Variants in TRPV3 observed in about 807,000 individuals in gnomAD.
The protein encoded by TRPV3 is VRL-3.
In TRPV3, 88 loss-of-function variants were observed where a neutral mutation model predicts 87.1. The observed-to-expected ratio is 1.01, with a 90% CI of 0.85 to 1.21. The LOEUF (loss-of-function observed/expected upper bound fraction) is 1.21, where lower values mean the gene tolerates loss of function less well. TRPV3 is among the 50% of genes most tolerant of loss of function. The pLI, the probability that TRPV3 is intolerant of heterozygous loss-of-function variation, is 0.00. For missense variants in TRPV3, 1,054 were observed against 1,030.1 expected (o/e 1.02, Z -0.32); for synonymous variants, 438 against 423.3 (o/e 1.03, Z -0.43).
chr17:3,545,317 CCTGT>C (rs777433385), intron 2 of TRPV3, 46 bp from the exon 3 acceptor site: 1 of 1,410,358 alleles, frequency 7.1e-7, no homozygotes, highest in South Asian at 1.2e-5. Flanking sequence ...CCAGGCAGAG[CCTGT>C]CTGCCTGTGT....
At position 3,511,839 on chromosome 17, in the gene TRPV3, T is replaced by G. The variant is rs1250849810; in HGVS notation, c.*2078A>C. The G allele has an allele frequency of 1.3e-5, 2 of 152,228 alleles. No homozygotes were observed. The highest frequency in any genetic ancestry group is 6.5e-5 in the Admixed American group (1 of 15,288). 9.4% of individuals were successfully genotyped at this position (152,228 alleles called of 1,614,324 possible). A position where few individuals can be genotyped will look rare whatever the true frequency, so the allele number is the denominator to read the frequency against. On this transcript the variant is annotated 3_prime_UTR_variant, in exon 18 of 18. Transcript: ENST00000576742. The stretch of plus-strand genomic sequence containing the variant: ...TAACAGATACGGCTTTATCCATTAA[T>G]GGATATGACTTTCTCCATTAATATC...
chr17:3,554,961 A>G lies in TRPV3; in HGVS notation c.-2-109T>C, dbSNP rs533040891. On this transcript the variant is annotated intron_variant, in intron 1 of 17. Coordinates refer to ENST00000576742, the MANE Select transcript of TRPV3 (RefSeq NM_145068.4). ...CCAGCTCCCGTTCACACTACCTGGA[A>G]CTGGAAGCTCACTCCTCCCTTCCCA... The G allele has an allele frequency of 1.5e-3, 997 of 643,336 alleles. 6 individuals are homozygous for G. The highest frequency in any genetic ancestry group is 3.2e-3 in the Middle Eastern group (11 of 3,398). The allele number at this position is 643,336 out of a possible 1,614,324, so 39.9% of individuals were successfully genotyped here. A position where few individuals can be genotyped will look rare whatever the true frequency, so the allele number is the denominator to read the frequency against.
chr17:3,516,557 T>C lies in TRPV3; in HGVS notation c.2098A>G (p.Ile700Val), dbSNP rs1003976845. 5.6e-6 allele frequency: 9 copies of C among 1,614,018 alleles called. No individual in the cohort carries two copies. The highest frequency in any genetic ancestry group is 1.7e-5 in the Admixed American group (1 of 60,012). Residue 700 changes from isoleucine (I) to valine (V), a missense_variant, in exon 16 of 18, where the codon ATC becomes GTC. Physicochemically the swap from Ile to Val is conservative, Grantham distance 29 (BLOSUM62 3). Coordinates refer to ENST00000576742, the MANE Select transcript of TRPV3 (RefSeq NM_145068.4). ...RIWRLQRART[I>V]LEFEKMLPEW... ...GGTAACATTTTCTCAAACTCCAAGA[T>C]GGTCCTGGCTCTCTGGGGACATAAG...
intron 6 of TRPV3, among the ~76,000 whole-genome samples, chr17:3,540,404 C>T (rs1218092233): frequency 3.3e-5 from 5 of 152,046 alleles, no homozygotes; most frequent in African/African-American, 9.7e-5. Flanking sequence ...GAGGAGGTGC[C>T]CACAGCCTCC....
At position 3,540,129 on chromosome 17, in the gene TRPV3, T is replaced by C. The variant is rs574171966; in HGVS notation, c.643+2393A>G. ...TTGCTCTAAATAAGGTTATTTTAGATACAAAAAAATGCTATGAAAATAAAT... is the reference window on the plus strand; with the variant it reads ...TTGCTCTAAATAAGGTTATTTTAGACACAAAAAAATGCTATGAAAATAAAT... On this transcript the variant is annotated intron_variant, in intron 6 of 17. Transcript: ENST00000576742. Among the ~76,000 whole-genome samples, 10 of 152,022 alleles carry C rather than the reference T, an allele frequency of 6.6e-5. No homozygotes were observed. The South Asian group carries it at 2.1e-3, about 32-fold the overall frequency.
At chr17:3,516,296 C>A (rs1312390516) in intron 16 of TRPV3, among the ~76,000 whole-genome samples, 161 bp downstream of exon 16, 1 of 152,144 alleles carries the variant, frequency 6.6e-6, no homozygotes, top group Non-Finnish European at 1.5e-5. Context: ...GCCTGCAACC[C>A]CATAAGCAAA....
intron 2 of TRPV3, chr17:3,553,459 G>GC (rs1410300334): frequency 1.3e-5 from 2 of 152,642 alleles, no homozygotes; most frequent in Non-Finnish European, 2.9e-5. Context: ...AGTGGGACTC[G>GC]CCTCCCCAAA....
intron 8 of TRPV3, among the ~76,000 whole-genome samples, chr17:3,531,093 A>C (rs1721366917): frequency 6.6e-6 from 1 of 151,250 alleles, no homozygotes; most frequent in South Asian, 2.1e-4. Context: ...CAAAAAAACC[A>C]AAAATTCCCA....
Position 3,518,520 on chromosome 17 carries a change from C to T in TRPV3, c.2085+56G>A, listed in dbSNP as rs1158034903. On this transcript the variant is annotated intron_variant, in intron 15 of 17. Coordinates refer to ENST00000576742, the MANE Select transcript of TRPV3 (RefSeq NM_145068.4). This position sits in a 1 kb window ranked among gnomAD's most constrained non-coding sequence, Gnocchi z 4.3. ...TGGTGCTGACAGTAGTCAATGACCACGTGCTGAACTGAGTCCCGTGGAGGC... is the reference window on the plus strand; with the variant it reads ...TGGTGCTGACAGTAGTCAATGACCATGTGCTGAACTGAGTCCCGTGGAGGC... The T allele has an allele frequency of 4.7e-6, 7 of 1,502,892 alleles. No individual in the cohort carries two copies. The highest frequency in any genetic ancestry group is 2.8e-5 in the African/African-American group (2 of 71,848). The allele number at this position is 1,502,892 out of a possible 1,614,324, so 93.1% of individuals were successfully genotyped here.
At chr17:3,548,311 G>T (rs1455662494) in intron 2 of TRPV3, among the ~76,000 whole-genome samples, 1 of 152,208 alleles carries the variant, frequency 6.6e-6, no homozygotes, top group East Asian at 1.9e-4. Context: ...CTGAGGCTCA[G>T]TATGGAGAAG....
At chr17:3,519,847 T>A (rs1385193480) in intron 14 of TRPV3, among the ~76,000 whole-genome samples, 1 of 77,488 alleles carries the variant, frequency 1.3e-5, no homozygotes, top group African/African-American at 3.9e-5. Flanking sequence ...AATGGATGGA[T>A]GACTGGATGG....
intron 12 of TRPV3, 125 bp from the exon 13 acceptor site, chr17:3,524,488 A>C: frequency 8.3e-7 from 1 of 1,203,564 alleles, no homozygotes; most frequent in Non-Finnish European, 1.2e-6. Context: ...TGCTGAAGAG[A>C]CCAGAATCAC....
Position 3,528,760 on chromosome 17 carries a change from C to T in TRPV3, c.1401+77G>A. ...CCTGGTCTCTCTGGGCCTCAGTTTT[C>T]CCACCTGCACGTGGGGCAGCTCCAA... On this transcript the variant is annotated intron_variant, in intron 10 of 17. Coordinates refer to ENST00000576742, the MANE Select transcript of TRPV3 (RefSeq NM_145068.4). The surrounding 1 kb of genome is among the most constrained non-coding windows in gnomAD (Gnocchi z 4.2). The T allele has an allele frequency of 6.4e-7, 1 of 1,567,758 alleles. No individual in the cohort carries two copies. The highest frequency in any genetic ancestry group is 1.2e-5 in the South Asian group (1 of 85,822).
rs981374413 is a variant in TRPV3, at chr17:3,532,286, G to A, written c.1065+371C>T. Among the ~76,000 whole-genome samples the A allele has an allele frequency of 7.2e-5, 11 of 152,362 alleles. No individual in the cohort carries two copies. In the South Asian group the frequency reaches 2.3e-3, roughly 32 times the overall value. The stretch of plus-strand genomic sequence containing the variant: ...ATGGCAGCATATTAGCGCTGCGCCC[G>A]CAGCAGCCATTCTGGAACTCCCGTC... On this transcript the variant is annotated intron_variant, in intron 8 of 17. Transcript: ENST00000576742.
rs998787745 is a variant in TRPV3 at position 3,528,726 on chromosome 17, G to A, written c.1401+111C>T. The A allele has an allele frequency of 2.4e-5, 32 of 1,320,502 alleles. No individual in the cohort carries two copies. The highest frequency in any genetic ancestry group is 2.8e-5 in the South Asian group (2 of 70,860). The allele number at this position is 1,320,502 out of a possible 1,614,324, so 81.8% of individuals were successfully genotyped here. A position where few individuals can be genotyped will look rare whatever the true frequency, so the allele number is the denominator to read the frequency against. On this transcript the variant is annotated intron_variant, in intron 10 of 17. Coordinates refer to ENST00000576742, the MANE Select transcript of TRPV3 (RefSeq NM_145068.4). The surrounding 1 kb of genome is among the most constrained non-coding windows in gnomAD (Gnocchi z 4.2). ...GCGTGAAGGACAACTGGGGGACCCC[G>A]CCCAATCTCCTGGTCTCTCTGGGCC... is the stretch of plus-strand genomic sequence containing the variant.
chr17:3,547,282 T>G (rs1350999634), intron 2 of TRPV3, among the ~76,000 whole-genome samples: 5 of 152,216 alleles, frequency 3.3e-5, no homozygotes, highest in Non-Finnish European at 5.9e-5. Flanking sequence ...TTGCCCCCGC[T>G]GATCAGCACT....
At chr17:3,519,786 ATAGC>A (rs1267309281) in intron 14 of TRPV3, among the ~76,000 whole-genome samples, 19 of 145,880 alleles carry the variant, frequency 1.3e-4, no homozygotes, top group African/African-American at 4.6e-4. Flanking sequence ...GGATGGATGG[ATAGC>A]TGGATGGATG....
intron 2 of TRPV3, among the ~76,000 whole-genome samples, chr17:3,549,287 G>C (rs151187922): frequency 1.2e-4 from 19 of 152,186 alleles, no homozygotes; most frequent in Admixed American, 2.6e-4. Context: ...GCCAGGCACT[G>C]TTTCTGCAGC....
intron 2 of TRPV3, chr17:3,552,211 G>C (rs2074582563): frequency 7.5e-6 from 1 of 133,740 alleles, no homozygotes; most frequent in Admixed American, 8.2e-5. Flanking sequence ...TTTCTTTTTT[G>C]AGACAAGAGT....
Sources: allele counts gnomAD v4.1 joint callset (sites outside exome capture counted in the v4.1 genomes callset), GRCh38; gene constraint gnomAD v4.1.1; non-coding constraint Gnocchi (gnomAD v3.1); transcripts MANE v1.5; gene names NCBI Gene and HGNC (gene_info 2026-07-23, HGNC 2026-07-21).